LEMD1: variants seen among roughly 807,000 people sequenced by gnomAD.
LEMD1 encodes the protein LEM domain-containing protein 1.
In LEMD1, 18 loss-of-function variants were observed where a neutral mutation model predicts 17.4. That is an observed-to-expected ratio of 1.04 (90% CI 0.72 to 1.54). The LOEUF (loss-of-function observed/expected upper bound fraction) is 1.54, where lower values mean the gene tolerates loss of function less well. Among genes scored for constraint, LEMD1 ranks in the 40% most tolerant of loss-of-function variants. The pLI is 0.00. For missense variants in LEMD1, 195 were observed against 210.4 expected (o/e 0.93, Z 0.45); for synonymous variants, 88 against 77.8 (o/e 1.13, Z -0.69).
upstream of LEMD1, among the ~76,000 whole-genome samples, chr1:205,424,038 A>C (rs965514418): frequency 2.0e-5 from 3 of 152,180 alleles, no homozygotes; most frequent in Admixed American, 6.6e-5. Flanking sequence ...CCTCTCCTCA[A>C]ATTTAATCTT....
rs1263368229 is a variant in LEMD1 at position 205,405,663 on chromosome 1, C to T, written c.270+10569G>A. Among the ~76,000 whole-genome samples the T allele has an allele frequency of 7.2e-5, 11 of 151,896 alleles. No individual in the cohort carries two copies. In the South Asian group the frequency reaches 1.5e-3, roughly 20 times the overall value. Reference sequence around the variant, plus strand: ...TTGGTTTGAATTTCCTCCTGTAGCTCGGAGTAGTTTGATCGTCTGAAGCCT... The same window carrying T: ...TTGGTTTGAATTTCCTCCTGTAGCTTGGAGTAGTTTGATCGTCTGAAGCCT... On this transcript the variant is annotated intron_variant, in intron 4 of 5. Transcript: ENST00000367153.
At chr1:205,409,270 C>G (rs1034353467) in intron 4 of LEMD1, among the ~76,000 whole-genome samples, 2 of 152,166 alleles carry the variant, frequency 1.3e-5, no homozygotes, top group Admixed American at 1.3e-4. Flanking sequence ...TCACATTCTG[C>G]AGCACTTAAA....
At chr1:205,392,722 A>G (rs974082149) in intron 4 of LEMD1, among the ~76,000 whole-genome samples, 5 of 152,342 alleles carry the variant, frequency 3.3e-5, no homozygotes, top group Non-Finnish European at 2.9e-5. Flanking sequence ...TGAGACTGTA[A>G]TGAAAGACCT....
At position 205,432,970 on chromosome 1, in the gene LEMD1, C is replaced by T. The variant is rs1243035853; in HGVS notation, c.-38-12396G>A. ...AGGCTGCAGTGAGCCATGATTGTGC[C>T]ACTGCACTCCAGCCTGGGCAACAGA... On this transcript the variant is annotated intron_variant, in intron 1 of 3. Coordinates refer to the LEMD1 transcript ENST00000367154. 7.9e-5 allele frequency among the ~76,000 whole-genome samples: 12 copies of T among 151,916 alleles called. No individual in the cohort carries two copies. The East Asian group carries it at 2.3e-3, about 29-fold the overall frequency.
chr1:205,381,456 C>G lies in LEMD1; in HGVS notation c.*202G>C. On this transcript the variant is annotated 3_prime_UTR_variant, in exon 6 of 6. Coordinates refer to ENST00000367153, the MANE Select transcript of LEMD1 (RefSeq NM_001199050.2). ...ATGACTTGGGGGATTTCCTAACCAT[C>G]ATGCTCTTAACACAGGTGCCTGGTT... 1.7e-6 allele frequency: 1 copy of G among 598,558 alleles called. No individual in the cohort carries two copies. The allele number at this position is 598,558 out of a possible 1,614,324, so 37.1% of individuals were successfully genotyped here. A position where few individuals can be genotyped will look rare whatever the true frequency, so the allele number is the denominator to read the frequency against.
intron 5 of LEMD1, among the ~76,000 whole-genome samples, chr1:205,383,807 T>A (rs1412408860): frequency 6.6e-6 from 1 of 151,832 alleles, no homozygotes; most frequent in Non-Finnish European, 1.5e-5. Flanking sequence ...CTAATTTTTT[T>A]GTGTTTTTAG....
intron 4 of LEMD1, 84 bp from the exon 5 acceptor site, chr1:205,384,448 C>A: frequency 1.2e-6 from 1 of 863,156 alleles, no homozygotes; most frequent in South Asian, 2.4e-5. Context: ...TAGAAAAAGT[C>A]ACATAATATG....
chr1:205,420,954 T>G (rs1349128518), intron 1 of LEMD1, among the ~76,000 whole-genome samples: 1 of 152,074 alleles, frequency 6.6e-6, no homozygotes, highest in African/African-American at 2.4e-5. Flanking sequence ...GAGAGGTTTT[T>G]TTTTTTTTTT....
chr1:205,416,097 C>T (rs1328919704), intron 4 of LEMD1, 135 bp downstream of exon 4: 3 of 541,026 alleles, frequency 5.5e-6, no homozygotes, highest in Non-Finnish European at 9.4e-6. Context: ...TTAAAATGAT[C>T]CTCTTTAAAC....
intron 1 of LEMD1, among the ~76,000 whole-genome samples, chr1:205,446,568 G>A (rs1019270474): frequency 2.6e-5 from 4 of 152,234 alleles, no homozygotes; most frequent in Non-Finnish European, 2.9e-5. Flanking sequence ...GGATTCCCGG[G>A]AGGGGCCCAG....
chr1:205,384,237 C>T, intron 5 of LEMD1, 51 bp downstream of exon 5: 1 of 1,103,032 alleles, frequency 9.1e-7, no homozygotes, highest in Non-Finnish European at 1.2e-6. Flanking sequence ...TTTTCCAGAG[C>T]TACAGAATAC....
intron 1 of LEMD1, among the ~76,000 whole-genome samples, chr1:205,428,114 G>A (rs1157474490): frequency 6.6e-6 from 1 of 152,228 alleles, no homozygotes; most frequent in Non-Finnish European, 1.5e-5. Context: ...GGGAGCCACT[G>A]AAGATTTTAT....
At chr1:205,408,453 C>T (rs532666841) in intron 4 of LEMD1, among the ~76,000 whole-genome samples, 2 of 151,422 alleles carry the variant, frequency 1.3e-5, no homozygotes, top group African/African-American at 4.8e-5. Context: ...GAAAATATTT[C>T]GAGAGGTGTG....
chr1:205,403,961 C>G (rs1164365402), intron 4 of LEMD1, among the ~76,000 whole-genome samples: 3 of 151,860 alleles, frequency 2.0e-5, no homozygotes, highest in Non-Finnish European at 2.9e-5. Context: ...TGTTATGTAC[C>G]CAGTAGTCAT....
At chr1:205,386,716 A>T (rs1296856850) in intron 4 of LEMD1, 1 of 152,164 alleles carries the variant, frequency 6.6e-6, no homozygotes, top group Non-Finnish European at 1.5e-5. Context: ...TGCAAACAGC[A>T]CCTTTCCCCG....
chr1:205,436,032 A>T (rs1666198553), intron 1 of LEMD1: 1 of 152,260 alleles, frequency 6.6e-6, no homozygotes, highest in Non-Finnish European at 1.5e-5. Context: ...GAACAACGGG[A>T]TAAAAATAGC....
intron 1 of LEMD1, among the ~76,000 whole-genome samples, chr1:205,429,596 T>C (rs1369167729): frequency 6.6e-6 from 1 of 152,110 alleles, no homozygotes; most frequent in Non-Finnish European, 1.5e-5. Context: ...AGATGGCCTG[T>C]GGAGATAGCC....
At chr1:205,433,968 T>C (rs920673193) in intron 1 of LEMD1, among the ~76,000 whole-genome samples, 4 of 152,250 alleles carry the variant, frequency 2.6e-5, no homozygotes, top group Non-Finnish European at 2.9e-5. Flanking sequence ...TCAGAGATCA[T>C]TGGAATCTCT....
At chr1:205,414,253 C>A (rs112137847) in intron 4 of LEMD1, among the ~76,000 whole-genome samples, 1,629 of 151,994 alleles carry the variant, frequency 0.011, 35 homozygotes, top group African/African-American at 0.037. Flanking sequence ...AAGTTAGAGG[C>A]AAACACAGGA....
Sources: gnomAD v4.1 joint callset for allele counts (sites outside exome capture counted in the v4.1 genomes callset) on GRCh38, gnomAD v4.1.1 for gene constraint, MANE v1.5 for transcripts, NCBI Gene and HGNC (gene_info 2026-07-23, HGNC 2026-07-21) for gene names.